Variants in OPRM1 observed in about 807,000 individuals in gnomAD.
The protein encoded by OPRM1 is mu-type opioid receptor.
A neutral mutation model predicts 31.8 loss-of-function variants in OPRM1; 27 were observed. That is an observed-to-expected ratio of 0.85 (90% CI 0.63 to 1.17). The LOEUF is 1.17. OPRM1 is among the 50% of genes most tolerant of loss of function. The pLI, the probability that OPRM1 is intolerant of heterozygous loss-of-function variation, is 0.00. For missense variants in OPRM1, 536 were observed against 511.1 expected, an observed-to-expected ratio of 1.05 and a Z score of -0.47; for synonymous variants, 196 against 189.9, an observed-to-expected ratio of 1.03 and a Z score of -0.26.
chr6:154,199,609 G>A, intron 3 of OPRM1: 1 of 1,456,732 alleles, frequency 6.9e-7, no homozygotes, highest in Non-Finnish European at 9.2e-7. Flanking sequence ...TAATATTACA[G>A]TTCCATATAC....
intron 1 of OPRM1, among the ~76,000 whole-genome samples, chr6:154,021,614 A>T (rs926940954): frequency 6.6e-6 from 1 of 152,144 alleles, no homozygotes; most frequent in African/African-American, 2.4e-5. Context: ...CTATTTATTT[A>T]GCTTTTAATT....
intron 3 of OPRM1, among the ~76,000 whole-genome samples, chr6:154,200,589 C>T (rs994252967): frequency 1.3e-5 from 2 of 151,926 alleles, no homozygotes; most frequent in African/African-American, 4.8e-5. Flanking sequence ...GGCTTGGTGG[C>T]GCGCACCTGT....
At chr6:154,150,577 G>A (rs1347442970) in intron 3 of OPRM1, among the ~76,000 whole-genome samples, 2 of 152,218 alleles carry the variant, frequency 1.3e-5, no homozygotes, top group Non-Finnish European at 2.9e-5. Flanking sequence ...TTTGAAGACT[G>A]GGGGCTTGGA....
At chr6:154,030,361 A>G (rs1778939825) in intron 1 of OPRM1, among the ~76,000 whole-genome samples, 1 of 152,184 alleles carries the variant, frequency 6.6e-6, no homozygotes, top group East Asian at 1.9e-4. Flanking sequence ...ACCCAGAAAA[A>G]TTTTAAAGAT....
intron 3 of OPRM1, among the ~76,000 whole-genome samples, chr6:154,192,040 A>C (rs1004833975): frequency 3.9e-5 from 6 of 152,200 alleles, no homozygotes; most frequent in Non-Finnish European, 7.3e-5. Flanking sequence ...ACTATAAAAC[A>C]ATGAAAATGA....
At chr6:154,061,569 A>G (rs1784426683) in intron 1 of OPRM1, among the ~76,000 whole-genome samples, 1 of 152,164 alleles carries the variant, frequency 6.6e-6, no homozygotes, top group South Asian at 2.1e-4. Flanking sequence ...GTATGCAGGA[A>G]CAGAAAACCA....
At chr6:154,066,415 G>T (rs1227957821) in intron 1 of OPRM1, among the ~76,000 whole-genome samples, 1 of 151,796 alleles carries the variant, frequency 6.6e-6, no homozygotes, top group Non-Finnish European at 1.5e-5. Flanking sequence ...TTGTTTATTG[G>T]GAGATGTTTT....
intron 1 of OPRM1, among the ~76,000 whole-genome samples, chr6:154,021,724 T>C (rs182193110): frequency 8.1e-4 from 123 of 152,350 alleles, no homozygotes; most frequent in African/African-American, 2.9e-3. Flanking sequence ...GTAAATGGGA[T>C]TTTGTTTTTA....
At chr6:154,054,014 G>C (rs1289523898) in intron 1 of OPRM1, among the ~76,000 whole-genome samples, 1 of 152,040 alleles carries the variant, frequency 6.6e-6, no homozygotes, top group African/African-American at 2.4e-5. Context: ...ACATGTAGAA[G>C]AAGAGTACTT....
chr6:154,049,568 G>T (rs1207904412), intron 1 of OPRM1, among the ~76,000 whole-genome samples: 1 of 152,070 alleles, frequency 6.6e-6, no homozygotes, highest in Non-Finnish European at 1.5e-5. Flanking sequence ...CAAATAATGA[G>T]AATCAAATAT....
chr6:154,192,800 A>C (rs1375052037), intron 3 of OPRM1, among the ~76,000 whole-genome samples: 1 of 152,212 alleles, frequency 6.6e-6, no homozygotes, highest in East Asian at 1.9e-4. Context: ...TTGCCAGGGA[A>C]ATGCAAATCA....
intron 3 of OPRM1, among the ~76,000 whole-genome samples, chr6:154,169,093 G>A (rs1253326418): frequency 6.9e-6 from 1 of 145,894 alleles, no homozygotes; most frequent in Non-Finnish European, 1.5e-5. Context: ...GGGTGTGGTG[G>A]CTCACGCCTG....
chr6:154,212,441 TC>T (rs1367681738), intron 3 of OPRM1, among the ~76,000 whole-genome samples: 2 of 152,196 alleles, frequency 1.3e-5, no homozygotes, highest in South Asian at 2.1e-4. Context: ...TTTAAATTCT[TC>T]CTGAGAAAAA....
At chr6:154,153,968 C>A (rs1015442368) in intron 3 of OPRM1, among the ~76,000 whole-genome samples, 1 of 152,166 alleles carries the variant, frequency 6.6e-6, no homozygotes, top group East Asian at 1.9e-4. Flanking sequence ...AATCAGGAAA[C>A]GCATGGTGCC....
In OPRM1 at chr6:154,039,326, A is replaced by G. The variant is rs781653758; in HGVS notation, c.-219A>G. 13 of 1,549,692 alleles carry G rather than the reference A, an allele frequency of 8.4e-6. No individual in the cohort carries two copies. The South Asian group carries it at 1.6e-4, about 19-fold the overall frequency. Reference sequence around the variant, plus strand: ...GGCAGGTGATGAGCCTCTGTGAACTACTAAGGTGGGAGGGGGCTATACGCA... The same window carrying G: ...GGCAGGTGATGAGCCTCTGTGAACTGCTAAGGTGGGAGGGGGCTATACGCA... On this transcript the variant is annotated 5_prime_UTR_variant, in exon 1 of 4. Transcript: ENST00000330432.
At chr6:154,060,015 A>G (rs1784080883) in intron 1 of OPRM1, among the ~76,000 whole-genome samples, 1 of 152,206 alleles carries the variant, frequency 6.6e-6, no homozygotes, top group Admixed American at 6.5e-5. Flanking sequence ...CCTCTTCCCA[A>G]TTTATTGCCG....
chr6:154,236,000 G>C (rs1044936631), intron 3 of OPRM1, among the ~76,000 whole-genome samples: 1 of 152,150 alleles, frequency 6.6e-6, no homozygotes, highest in Non-Finnish European at 1.5e-5. Context: ...GCATGGTAGC[G>C]CCTCAAAAAC....
intron 3 of OPRM1, among the ~76,000 whole-genome samples, chr6:154,205,778 C>T (rs1777444425): frequency 6.6e-6 from 1 of 152,092 alleles, no homozygotes; most frequent in Non-Finnish European, 1.5e-5. Flanking sequence ...TTTTTGTTTA[C>T]CCCAGGCTGC....
intron 1 of OPRM1, among the ~76,000 whole-genome samples, chr6:154,063,289 G>C (rs1239314669): frequency 6.6e-6 from 1 of 151,920 alleles, no homozygotes; most frequent in Non-Finnish European, 1.5e-5. Flanking sequence ...ACAAACCCCT[G>C]TAAAGAGTTA....
Sources: gnomAD v4.1 joint callset for allele counts (sites outside exome capture counted in the v4.1 genomes callset) on GRCh38, gnomAD v4.1.1 for gene constraint, MANE v1.5 for transcripts, NCBI Gene and HGNC (gene_info 2026-07-23, HGNC 2026-07-21) for gene names.